The following SH3BP4 variants were observed in gnomAD, a reference collection of about 807,000 sequenced individuals.
SH3BP4 encodes the protein SH3 domain binding protein 4.
In SH3BP4, 33 loss-of-function variants were observed where a neutral mutation model predicts 65.5. That is an observed-to-expected ratio of 0.50 (90% CI 0.38 to 0.67). The LOEUF (loss-of-function observed/expected upper bound fraction) is 0.67, where lower values mean the gene tolerates loss of function less well. Ranked by LOEUF, SH3BP4 falls within the 30% of genes least tolerant of loss-of-function variation. The pLI is 0.00. For synonymous variants in SH3BP4, 552 were observed against 545.5 expected (o/e 1.01, Z -0.17); for missense variants, 1,134 against 1,261.4 (o/e 0.90, Z 1.53).
At chr2:235,040,306 T>C (rs1695590446) in intron 3 of SH3BP4, among the ~76,000 whole-genome samples, 2 of 152,118 alleles carry the variant, frequency 1.3e-5, no homozygotes, top group African/African-American at 4.8e-5. Context: ...AATTCTTACT[T>C]TATCTGAGGA....
chr2:234,996,154 G>C (rs530833652), intron 2 of SH3BP4, among the ~76,000 whole-genome samples: 2 of 152,306 alleles, frequency 1.3e-5, no homozygotes, highest in South Asian at 4.1e-4. Context: ...TCCCCACCAA[G>C]TAGAAAGGAT....
chr2:235,040,202 G>T (rs551580456), intron 3 of SH3BP4, among the ~76,000 whole-genome samples: 1 of 152,116 alleles, frequency 6.6e-6, no homozygotes, highest in South Asian at 2.1e-4. Context: ...GTCAATACAT[G>T]CCAGCCTGGG....
intron 1 of SH3BP4, among the ~76,000 whole-genome samples, chr2:234,961,265 T>G (rs964892033): frequency 1.3e-5 from 2 of 151,982 alleles, no homozygotes; most frequent in Non-Finnish European, 2.9e-5. Context: ...TCCCTGTGGT[T>G]TTTGTTTGTT....
In SH3BP4 at chr2:235,040,411, C is replaced by T. The variant is rs1695593071; in HGVS notation, c.119-477C>T. On this transcript the variant is annotated intron_variant, in intron 3 of 5. Coordinates refer to ENST00000392011, the MANE Select transcript of SH3BP4 (RefSeq NM_014521.3). ...AGGCAGAGCTTGGAATCAGCTCATA[C>T]ATGTCATTGCGGGAGTTTTTGGAAT... Among the ~76,000 whole-genome samples the T allele has an allele frequency of 2.0e-5, 3 of 152,048 alleles. No homozygotes were observed. The South Asian group carries it at 6.3e-4, about 32-fold the overall frequency.
rs532144077 is a variant in SH3BP4, at chr2:234,991,994, G to A, written c.-206-3309G>A. On this transcript the variant is annotated intron_variant, in intron 1 of 5. Coordinates refer to ENST00000392011, the MANE Select transcript of SH3BP4 (RefSeq NM_014521.3). The surrounding 1 kb of genome is among the most constrained non-coding windows in gnomAD (Gnocchi z 4.2). ...CATCCCCCTGTCCAGGGAGCCTGCC[G>A]GGCTCAGCTTCAGGACCACAAGGCT... Among the ~76,000 whole-genome samples the A allele has an allele frequency of 3.6e-4, 55 of 152,316 alleles. 1 individual carries two copies. Among genetic ancestry groups the A allele is most frequent in the Middle Eastern group, 3.4e-3 (1 of 294 alleles).
intron 2 of SH3BP4, among the ~76,000 whole-genome samples, chr2:235,009,965 C>T (rs764890416): frequency 1.3e-5 from 2 of 152,078 alleles, no homozygotes; most frequent in Non-Finnish European, 2.9e-5. Flanking sequence ...CCTTCCCTGC[C>T]GTGGTATAGA....
intron 1 of SH3BP4, among the ~76,000 whole-genome samples, chr2:234,966,842 G>C (rs1692850008): frequency 6.6e-6 from 1 of 152,150 alleles, no homozygotes; most frequent in Admixed American, 6.5e-5. Context: ...CTGTCTGGCA[G>C]AAAATGTAAA....
chr2:235,032,118 C>CCA (rs1192108294), intron 2 of SH3BP4, among the ~76,000 whole-genome samples: 1 of 152,210 alleles, frequency 6.6e-6, no homozygotes, highest in Non-Finnish European at 1.5e-5. Context: ...TGGTGATTAA[C>CCA]AGGAGTCTTC....
At chr2:235,020,669 C>T (rs1443049079) in intron 2 of SH3BP4, among the ~76,000 whole-genome samples, 1 of 152,166 alleles carries the variant, frequency 6.6e-6, no homozygotes, top group Non-Finnish European at 1.5e-5. Flanking sequence ...GAGTCCTCTT[C>T]CGACTACTGC....
rs984864951 is a variant in SH3BP4, at chr2:234,978,812, C to T, written c.-206-16491C>T. On this transcript the variant is annotated intron_variant, in intron 1 of 5. Coordinates refer to ENST00000392011, the MANE Select transcript of SH3BP4 (RefSeq NM_014521.3). This position sits in a 1 kb window ranked among gnomAD's most constrained non-coding sequence, Gnocchi z 4.1. ...CAGCGTCCGTGGCCTGCATTTGAAA[C>T]TGAAGGGCAAGAGGCTGGTGAGATC... is the stretch of plus-strand genomic sequence containing the variant. 3.9e-5 allele frequency: 6 copies of T among 152,234 alleles called. No homozygotes were observed. The highest frequency in any genetic ancestry group is 1.4e-4 in the African/African-American group (6 of 41,432). The allele number at this position is 152,234 out of a possible 1,614,324, so 9.4% of individuals were successfully genotyped here.
intron 1 of SH3BP4, among the ~76,000 whole-genome samples, chr2:234,965,728 CA>C (rs1448250947): frequency 6.6e-6 from 1 of 152,000 alleles, no homozygotes. Flanking sequence ...GGTAAAATGG[CA>C]GTGATTTCCA....
At chr2:235,029,256 G>GATGGCTGGATGGAGCTGCCGTGC (rs1695100393) in intron 2 of SH3BP4, among the ~76,000 whole-genome samples, 3 of 152,238 alleles carry the variant, frequency 2.0e-5, no homozygotes, top group African/African-American at 7.2e-5. Context: ...GGGCTTCTTG[G>GATGGCTGGATGGAGCTGCCGTGC]ATGGCTGGAT....
At chr2:235,021,020 C>A (rs899838938) in intron 2 of SH3BP4, among the ~76,000 whole-genome samples, 1 of 152,166 alleles carries the variant, frequency 6.6e-6, no homozygotes, top group African/African-American at 2.4e-5. Context: ...TTATTTGTAT[C>A]ATCTACAGCT....
At position 234,990,070 on chromosome 2, in the gene SH3BP4, G is replaced by A. The variant is rs548159398; in HGVS notation, c.-206-5233G>A. ...CCTTTGGACTATGTGTATAAGGTAC[G>A]GATGAAACATAAATGAATTTAGTGT... On this transcript the variant is annotated intron_variant, in intron 1 of 5. Coordinates refer to ENST00000392011, the MANE Select transcript of SH3BP4 (RefSeq NM_014521.3). 6.2e-4 allele frequency among the ~76,000 whole-genome samples: 95 copies of A among 152,342 alleles called. 2 individuals carry two copies. In the South Asian group the frequency reaches 0.019, roughly 30 times the overall value.
intron 1 of SH3BP4, among the ~76,000 whole-genome samples, chr2:234,970,847 T>C (rs936426081): frequency 6.7e-6 from 1 of 149,252 alleles, no homozygotes; most frequent in Non-Finnish European, 1.5e-5. Context: ...AGGGTTGACT[T>C]TTTTTTTTTA....
intron 2 of SH3BP4, among the ~76,000 whole-genome samples, chr2:235,024,013 T>C (rs1240022699): frequency 6.6e-6 from 1 of 152,198 alleles, no homozygotes; most frequent in Non-Finnish European, 1.5e-5. Context: ...TCCCCTCTCA[T>C]TTTCTTAATA....
At position 234,990,622 on chromosome 2, in the gene SH3BP4, G is replaced by A. The variant is rs552643803; in HGVS notation, c.-206-4681G>A. On this transcript the variant is annotated intron_variant, in intron 1 of 5. Transcript: ENST00000392011. ...GTGGTCAGCACAGGCCAGCCTGTAG[G>A]TTGAGTTGGGTGAAGAGTTCACGGA... 2.3e-3 allele frequency among the ~76,000 whole-genome samples: 349 copies of A among 152,324 alleles called. 3 individuals carry two copies. The highest frequency in any genetic ancestry group is 8.2e-3 in the African/African-American group (342 of 41,570).
intron 1 of SH3BP4, among the ~76,000 whole-genome samples, chr2:234,970,057 T>C (rs911382217): frequency 7.2e-6 from 1 of 139,152 alleles, no homozygotes; most frequent in African/African-American, 2.9e-5. Flanking sequence ...TCACACACAC[T>C]CATACACACA....
chr2:235,025,711 C>T (rs962641843), intron 2 of SH3BP4, among the ~76,000 whole-genome samples: 6 of 152,160 alleles, frequency 3.9e-5, no homozygotes, highest in Non-Finnish European at 8.8e-5. Context: ...CAGTGCGATG[C>T]CTGGGATAAA....
Sources: gnomAD v4.1 joint callset for allele counts (sites outside exome capture counted in the v4.1 genomes callset) on GRCh38, gnomAD v4.1.1 for gene constraint, Gnocchi (gnomAD v3.1) non-coding constraint, MANE v1.5 for transcripts, NCBI Gene and HGNC (gene_info 2026-07-23, HGNC 2026-07-21) for gene names.